FRMD4A: variants seen among roughly 807,000 people sequenced by gnomAD.
The protein encoded by FRMD4A is FERM domain-containing protein 4A.
FRMD4A carries 29 observed loss-of-function variants against 129.1 expected under a neutral mutation model. That is an observed-to-expected ratio of 0.22 (90% CI 0.17 to 0.31). The LOEUF is 0.31. Ranked by LOEUF, FRMD4A falls within the 10% of genes least tolerant of loss-of-function variation. The probability of loss-of-function intolerance (pLI) is 1.00; values close to 1 mark genes in which losing one functional copy is unlikely to be tolerated. For synonymous variants in FRMD4A, 634 were observed against 571.6 expected (o/e 1.11, Z -1.56); for missense variants, 1,272 against 1,375.8 (o/e 0.92, Z 1.19).
chr10:13,707,874 C>T (rs1171824699), intron 12 of FRMD4A: 5 of 985,352 alleles, frequency 5.1e-6, no homozygotes, highest in African/African-American at 1.7e-5. Flanking sequence ...ATTCCTCCTT[C>T]GGACCAGTGA....
chr10:14,183,019 A>T (rs1385569501), intron 2 of FRMD4A, among the ~76,000 whole-genome samples: 1 of 152,062 alleles, frequency 6.6e-6, no homozygotes, highest in East Asian at 1.9e-4. Flanking sequence ...TGGGGTGGAG[A>T]TGTGTAGGAG....
chr10:14,146,115 T>C (rs1238238710), intron 2 of FRMD4A, among the ~76,000 whole-genome samples: 1 of 152,178 alleles, frequency 6.6e-6, no homozygotes, highest in Non-Finnish European at 1.5e-5. Flanking sequence ...CATCTCTTAA[T>C]GAGGAGAGTA....
At chr10:14,320,856 A>G (rs1185557816) in intron 2 of FRMD4A, among the ~76,000 whole-genome samples, 1 of 152,142 alleles carries the variant, frequency 6.6e-6, no homozygotes, top group African/African-American at 2.4e-5. Context: ...CCCCGGGGCC[A>G]TGGCCCAGGT....
intron 5 of FRMD4A, among the ~76,000 whole-genome samples, chr10:13,791,498 A>G (rs1436201574): frequency 1.3e-5 from 2 of 151,966 alleles, no homozygotes; most frequent in African/African-American, 4.8e-5. Context: ...CAGCAAAGGG[A>G]GGTGTGGTCC....
At chr10:13,836,947 C>G (rs1321864530) in intron 3 of FRMD4A, among the ~76,000 whole-genome samples, 1 of 151,996 alleles carries the variant, frequency 6.6e-6, no homozygotes, top group African/African-American at 2.4e-5. Flanking sequence ...TTAGTAGAGA[C>G]GGGGTTTCAC....
In FRMD4A at chr10:13,898,739, C is replaced by A. The variant is rs747814118; in HGVS notation, c.46-39827G>T. ...TCCCACTCAAGCCTTTGTGTACTTG[C>A]CGAGCTGAGGACAGGAGACAAGGTA... is the stretch of plus-strand genomic sequence containing the variant. On this transcript the variant is annotated intron_variant, in intron 2 of 24. Coordinates refer to ENST00000357447, the MANE Select transcript of FRMD4A (RefSeq NM_018027.5). Among the ~76,000 whole-genome samples, 3 of 152,298 alleles carry A rather than the reference C, an allele frequency of 2.0e-5. No homozygotes were observed. In the East Asian group the frequency reaches 5.8e-4, roughly 29 times the overall value.
intron 2 of FRMD4A, among the ~76,000 whole-genome samples, chr10:13,886,464 GAGGAAGAGGGGCCATACC>G (rs2094622389): frequency 6.6e-6 from 1 of 152,218 alleles, no homozygotes; most frequent in Admixed American, 6.5e-5. Flanking sequence ...ATTACTAACT[GAGGAAGAGGGGCCATACC>G]ACAGCACAGA....
intron 2 of FRMD4A, among the ~76,000 whole-genome samples, chr10:14,188,479 T>C (rs1214403838): frequency 6.6e-6 from 1 of 152,222 alleles, no homozygotes; most frequent in East Asian, 1.9e-4. Context: ...TATCCAATCA[T>C]TCCCTCTTCA....
chr10:13,774,411 G>C (rs2092545345), intron 6 of FRMD4A, among the ~76,000 whole-genome samples: 2 of 152,292 alleles, frequency 1.3e-5, no homozygotes, highest in Middle Eastern at 6.8e-3. Flanking sequence ...CTATTAAAGA[G>C]ATGAGAGGTT....
chr10:14,098,043 A>G (rs920359618), intron 2 of FRMD4A, among the ~76,000 whole-genome samples: 24 of 89,262 alleles, frequency 2.7e-4, no homozygotes, highest in African/African-American at 8.2e-4. Flanking sequence ...TTATATATAA[A>G]TTATTTATTA....
chr10:14,219,377 T>G (rs149044688), intron 2 of FRMD4A, among the ~76,000 whole-genome samples: 4 of 152,176 alleles, frequency 2.6e-5, no homozygotes, highest in African/African-American at 9.7e-5. Flanking sequence ...ACAAGTGAAA[T>G]TAGGTAATCC....
At chr10:14,144,040 T>G (rs1839964485) in intron 2 of FRMD4A, among the ~76,000 whole-genome samples, 1 of 152,140 alleles carries the variant, frequency 6.6e-6, no homozygotes, top group African/African-American at 2.4e-5. Context: ...TTTTAAGAGT[T>G]AGAATAAAAT....
At chr10:14,318,501 T>C (rs537635875) in intron 2 of FRMD4A, among the ~76,000 whole-genome samples, 3 of 151,530 alleles carry the variant, frequency 2.0e-5, no homozygotes, top group African/African-American at 7.3e-5. Flanking sequence ...GATTTACACA[T>C]CCTCTGAGTG....
At chr10:14,098,705 G>A (rs1437289688) in intron 2 of FRMD4A, among the ~76,000 whole-genome samples, 1 of 152,116 alleles carries the variant, frequency 6.6e-6, no homozygotes, top group Non-Finnish European at 1.5e-5. Flanking sequence ...ACCGCGCCCA[G>A]CCTGAATATG....
chr10:14,176,427 C>T (rs924088000), intron 2 of FRMD4A, among the ~76,000 whole-genome samples: 25 of 150,406 alleles, frequency 1.7e-4, no homozygotes, highest in African/African-American at 5.6e-4. Flanking sequence ...AATAAAAAAC[C>T]AAAATGTCTC....
At chr10:13,972,264 TC>T (rs2095523016) in intron 2 of FRMD4A, 2 of 990,136 alleles carry the variant, frequency 2.0e-6, no homozygotes, top group Non-Finnish European at 2.4e-6. Flanking sequence ...CCTGCAACAT[TC>T]CCCAGACATT....
chr10:14,007,966 C>T, intron 2 of FRMD4A: 1 of 1,255,454 alleles, frequency 8.0e-7, no homozygotes, highest in Non-Finnish European at 1.0e-6. Flanking sequence ...GTTCAGGAAA[C>T]GTGAGTAACA....
intron 2 of FRMD4A, among the ~76,000 whole-genome samples, chr10:14,128,030 T>TTC (rs1367021830): frequency 4.9e-5 from 7 of 143,472 alleles, no homozygotes; most frequent in African/African-American, 1.6e-4. Context: ...CTTCCTTCCT[T>TTC]CCTTCCTTTC....
intron 12 of FRMD4A, among the ~76,000 whole-genome samples, chr10:13,736,574 T>G (rs2090640821): frequency 6.6e-6 from 1 of 152,228 alleles, no homozygotes; most frequent in African/African-American, 2.4e-5. Context: ...TGGGAACATT[T>G]TTTCTTCTAT....
Sources: allele counts gnomAD v4.1 joint callset (sites outside exome capture counted in the v4.1 genomes callset), GRCh38; gene constraint gnomAD v4.1.1; transcripts MANE v1.5; gene names NCBI Gene and HGNC (gene_info 2026-07-23, HGNC 2026-07-21).